The following PCDHA3 variants were observed in gnomAD, a reference collection of about 807,000 sequenced individuals.
PCDHA3 encodes protocadherin alpha 3, also known as protocadherin alpha-3.
A neutral mutation model predicts 62.2 loss-of-function variants in PCDHA3; 41 were observed. The ratio of observed to expected loss-of-function variants is 0.66; its 90% CI spans 0.51 to 0.86. The LOEUF (loss-of-function observed/expected upper bound fraction) is 0.86. Ranked by LOEUF, PCDHA3 falls within the 40% of genes least tolerant of loss-of-function variation. PCDHA3 has a pLI of 0.00. For missense variants in PCDHA3, 1,304 were observed against 1,241.2 expected, an observed-to-expected ratio of 1.05 and a Z score of -0.76; for synonymous variants, 640 against 555.4, an observed-to-expected ratio of 1.15 and a Z score of -2.14.
rs548269849 is a variant in PCDHA3, at chr5:140,806,103, A to G, written c.2394+2512A>G. The stretch of plus-strand genomic sequence containing the variant: ...TAAAAGAAGAAAAAATACCTGTTCA[A>G]TTGGTTTGATCATGACATTCTTCAT... On this transcript the variant is annotated intron_variant, in intron 1 of 3. Transcript: ENST00000522353. Among the ~76,000 whole-genome samples, 18 of 152,298 alleles carry G rather than the reference A, an allele frequency of 1.2e-4. 1 individual carries two copies. The highest frequency in any genetic ancestry group is 3.6e-4 in the African/African-American group (15 of 41,572).
chr5:140,834,507 G>A (rs139562115), intron 1 of PCDHA3: 2 of 1,614,136 alleles, frequency 1.2e-6, no homozygotes, highest in South Asian at 1.1e-5. Flanking sequence ...GGCTAAACAT[G>A]GCAACTTCGT....
intron 1 of PCDHA3, chr5:140,871,246 C>A: frequency 6.2e-7 from 1 of 1,613,982 alleles, no homozygotes; most frequent in Non-Finnish European, 8.5e-7. Flanking sequence ...ACTCACGCTG[C>A]TGCTGTATAC....
intron 1 of PCDHA3, among the ~76,000 whole-genome samples, chr5:140,840,158 A>G (rs2150304038): frequency 1.3e-5 from 2 of 152,010 alleles, no homozygotes; most frequent in Admixed American, 1.3e-4. Context: ...GAAAGGAGAG[A>G]TGGGATGTAT....
chr5:140,851,653 A>T, intron 1 of PCDHA3: 1 of 911,134 alleles, frequency 1.1e-6, no homozygotes. Context: ...TCAAGAAGAC[A>T]TTCTCCTTTT....
At position 140,802,825 on chromosome 5, in the gene PCDHA3, C is replaced by G. The variant is rs374629500; in HGVS notation, c.1628C>G (p.Pro543Arg). The G allele has an allele frequency of 8.1e-6, 13 of 1,613,472 alleles. No individual in the cohort carries two copies. Among genetic ancestry groups the G allele is most frequent in the South Asian group, 2.2e-5 (2 of 91,076 alleles). The change falls in exon 1 of 4, where the codon CCG (proline) becomes CGG (arginine). Residue 543 changes from proline to arginine, a missense_variant. Transcript: ENST00000522353. The stretch of plus-strand genomic sequence containing the variant: ...GTGAGTGCGCGCGATGCGGGCGTGC[C>G]GCCTCTGGGCAGCAACGTGACGCTG... ...FQVSARDAGV[P>R]PLGSNVTLQV...
At chr5:140,930,003 A>G (rs1440351209) in intron 1 of PCDHA3, 1 of 152,218 alleles carries the variant, frequency 6.6e-6, no homozygotes, top group Non-Finnish European at 1.5e-5. Flanking sequence ...ACCCTAAAAC[A>G]TAGCTGATAG....
At chr5:140,830,267 C>G in intron 1 of PCDHA3, 1 of 1,613,636 alleles carries the variant, frequency 6.2e-7, no homozygotes, top group Non-Finnish European at 8.5e-7. Context: ...GTGCTCGGCG[C>G]CACCCACCGA....
At chr5:140,920,616 C>A (rs929240808) in intron 1 of PCDHA3, among the ~76,000 whole-genome samples, 1 of 152,012 alleles carries the variant, frequency 6.6e-6, no homozygotes, top group African/African-American at 2.4e-5. Flanking sequence ...GAGGCCGAGG[C>A]GGATGGATCA....
At chr5:140,813,153 C>T (rs1267640659) in intron 1 of PCDHA3, 2 of 152,114 alleles carry the variant, frequency 1.3e-5, no homozygotes, top group Admixed American at 1.3e-4. Context: ...CTGTTAGTTC[C>T]ATTTCAGCTA....
intron 1 of PCDHA3, among the ~76,000 whole-genome samples, chr5:140,898,600 G>A (rs2066865388): frequency 6.6e-6 from 1 of 152,184 alleles, no homozygotes; most frequent in Non-Finnish European, 1.5e-5. Context: ...TAGCCTTGTA[G>A]TATAGTTTGA....
At chr5:140,927,303 G>A (rs1554204320) in intron 1 of PCDHA3, 69 of 1,614,150 alleles carry the variant, frequency 4.3e-5, no homozygotes, top group Non-Finnish European at 5.7e-5. Context: ...CCGAGTTCCT[G>A]ACGCCCGGAG....
intron 1 of PCDHA3, among the ~76,000 whole-genome samples, chr5:140,914,944 CT>C (rs35695909): frequency 0.29 from 37,051 of 128,010 alleles, 4,894 homozygotes; most frequent in East Asian, 0.5. Flanking sequence ...GAAAAGTTGT[CT>C]TTTTTTTTTT....
chr5:140,993,828 A>G (rs1170306716), intron 3 of PCDHA3, among the ~76,000 whole-genome samples: 1 of 152,226 alleles, frequency 6.6e-6, no homozygotes, highest in East Asian at 1.9e-4. Context: ...AGGCTATACC[A>G]TATAGCCTAG....
chr5:140,956,878 A>G (rs890203275), intron 1 of PCDHA3, among the ~76,000 whole-genome samples: 4 of 152,188 alleles, frequency 2.6e-5, no homozygotes, highest in Admixed American at 2.6e-4. Context: ...GAAAAGTTAG[A>G]TATCAATGAA....
At chr5:140,838,089 T>C (rs1418087315) in intron 1 of PCDHA3, among the ~76,000 whole-genome samples, 2 of 121,978 alleles carry the variant, frequency 1.6e-5, no homozygotes, top group East Asian at 4.2e-4. Flanking sequence ...TGTGTGTGTG[T>C]GTGTGTGTGT....
At chr5:140,863,310 G>A (rs2047937786) in intron 1 of PCDHA3, 2 of 1,463,012 alleles carry the variant, frequency 1.4e-6, no homozygotes, top group Non-Finnish European at 1.9e-6. Context: ...CCATCTGCGT[G>A]GTGTCCAGCC....
At chr5:140,807,355 G>C in intron 1 of PCDHA3, 3 of 1,610,796 alleles carry the variant, frequency 1.9e-6, no homozygotes, top group Non-Finnish European at 2.5e-6. Context: ...GACTGGAGCT[G>C]GCGGAGCTGG....
intron 1 of PCDHA3, among the ~76,000 whole-genome samples, chr5:140,963,794 A>G (rs2095791576): frequency 6.6e-6 from 1 of 152,248 alleles, no homozygotes; most frequent in Non-Finnish European, 1.5e-5. Flanking sequence ...ACAATAATGT[A>G]CTTAACTAGT....
At chr5:140,868,231 T>C in intron 1 of PCDHA3, 1 of 152,170 alleles carries the variant, frequency 6.6e-6, no homozygotes, top group East Asian at 1.9e-4. Flanking sequence ...TAAAAACTCA[T>C]CTAGATCAAT....
Sources: gnomAD v4.1 joint callset for allele counts (sites outside exome capture counted in the v4.1 genomes callset) on GRCh38, gnomAD v4.1.1 for gene constraint, MANE v1.5 for transcripts, NCBI Gene and HGNC (gene_info 2026-07-23, HGNC 2026-07-21) for gene names.